RABEP1: variants seen among roughly 807,000 people sequenced by gnomAD.
RABEP1 encodes the protein rabaptin, RAB GTPase binding effector protein 1.
In RABEP1, 51 loss-of-function variants were observed where a neutral mutation model predicts 123.4. The ratio of observed to expected loss-of-function variants is 0.41; its 90% CI spans 0.33 to 0.52. RABEP1 has a LOEUF of 0.52. Ranked by LOEUF, RABEP1 falls within the 20% of genes least tolerant of loss-of-function variation. The pLI, the probability that RABEP1 is intolerant of heterozygous loss-of-function variation, is 0.16. For missense variants in RABEP1, 888 were observed against 996.3 expected (o/e 0.89, Z 1.46); for synonymous variants, 347 against 355.2 (o/e 0.98, Z 0.26).
intron 1 of RABEP1, among the ~76,000 whole-genome samples, chr17:5,308,431 G>A (rs537479661): frequency 2.6e-5 from 4 of 152,154 alleles, no homozygotes; most frequent in South Asian, 2.1e-4. Flanking sequence ...TCTCCATGTC[G>A]GCCAGGCTGG....
rs148090602 is a variant in RABEP1, at chr17:5,296,018, T to G, written c.35-12676T>G. On this transcript the variant is annotated intron_variant, in intron 1 of 17. Coordinates refer to ENST00000537505, the MANE Select transcript of RABEP1 (RefSeq NM_004703.6). ...GCTGTTTCCTCTCTAATTCCTTTAC[T>G]TTTCTTTAAAATTCACTGAGATTAT... Among the ~76,000 whole-genome samples the G allele has an allele frequency of 9.6e-4, 147 of 152,340 alleles. 1 individual carries two copies. The highest frequency in any genetic ancestry group is 3.4e-3 in the African/African-American group (142 of 41,582).
At chr17:5,287,200 C>G (rs1457639069) in intron 1 of RABEP1, among the ~76,000 whole-genome samples, 1 of 152,078 alleles carries the variant, frequency 6.6e-6, no homozygotes, top group East Asian at 1.9e-4. Flanking sequence ...TATGGGGAAC[C>G]ATTGAAAAGC....
At chr17:5,323,062 GA>G (rs2144571366) in intron 2 of RABEP1, among the ~76,000 whole-genome samples, 1 of 152,118 alleles carries the variant, frequency 6.6e-6, no homozygotes, top group South Asian at 2.1e-4. Context: ...GTGATGGAGT[GA>G]GAGACTGTCT....
At chr17:5,297,053 A>G (rs562825349) in intron 1 of RABEP1, among the ~76,000 whole-genome samples, 2 of 152,106 alleles carry the variant, frequency 1.3e-5, no homozygotes, top group African/African-American at 4.8e-5. Context: ...TTAGTTTTCT[A>G]TTGTTAGATA....
chr17:5,319,339 A>AC (rs1250304389), intron 2 of RABEP1, among the ~76,000 whole-genome samples: 1 of 120,972 alleles, frequency 8.3e-6, no homozygotes, highest in Non-Finnish European at 1.7e-5. Context: ...AAAAAAAAAA[A>AC]AACAAAAAAA....
chr17:5,298,102 G>A (rs528844232), intron 1 of RABEP1, among the ~76,000 whole-genome samples: 21 of 152,074 alleles, frequency 1.4e-4, no homozygotes, highest in African/African-American at 4.1e-4. Flanking sequence ...TTGCTATTTC[G>A]GAAAAGCCCA....
intron 1 of RABEP1, among the ~76,000 whole-genome samples, chr17:5,305,296 A>G (rs1004257998): frequency 4.6e-5 from 7 of 152,164 alleles, no homozygotes; most frequent in Non-Finnish European, 1.0e-4. Context: ...AAATAAGACA[A>G]TTACTCGATA....
chr17:5,347,388 C>T (rs796915633), intron 6 of RABEP1, among the ~76,000 whole-genome samples: 9 of 151,472 alleles, frequency 5.9e-5, no homozygotes, highest in Admixed American at 4.0e-4. Flanking sequence ...CTGTCCTGGG[C>T]GACAGAGCGA....
intron 5 of RABEP1, among the ~76,000 whole-genome samples, chr17:5,345,418 T>A (rs1358724282): frequency 6.6e-6 from 1 of 152,214 alleles, no homozygotes; most frequent in East Asian, 1.9e-4. Context: ...TCAAAGTAAT[T>A]CAAATAGTAT....
chr17:5,350,616 A>G lies in RABEP1; in HGVS notation c.950A>G (p.Lys317Arg). The change falls in exon 7 of 18, where the codon AAG (lysine) becomes AGG (arginine). Residue 317 changes from lysine (K) to arginine (R), a missense_variant. Coordinates refer to ENST00000537505, the MANE Select transcript of RABEP1 (RefSeq NM_004703.6). ...SEQLRQVEEL[K>R]KKDQEDDEQQ... ...CAGCTCCGACAAGTTGAAGAACTGA[A>G]GAAGAAAGATCAGGTGAATAGAAGT... 6.2e-7 allele frequency: 1 copy of G among 1,613,934 alleles called. No individual in the cohort carries two copies.
At chr17:5,377,405 T>C in intron 14 of RABEP1, 100 bp downstream of exon 14, 3 of 904,574 alleles carry the variant, frequency 3.3e-6, no homozygotes, top group Non-Finnish European at 4.6e-6. Context: ...CAGAAAAGCT[T>C]AGGAAAGAAT....
chr17:5,346,747 A>G (rs200557495), intron 5 of RABEP1, 43 bp from the exon 6 acceptor site: 1 of 1,448,532 alleles, frequency 6.9e-7, no homozygotes, highest in African/African-American at 1.4e-5. Flanking sequence ...TAAGATAGAA[A>G]CTGTTGTAAA....
chr17:5,381,772 C>T lies in RABEP1; in HGVS notation c.2487+267C>T, dbSNP rs149795674. ...CCTTAGCATACCATGTAAGACTCTT[C>T]CCAACCAGGCCCACCCCTGTATTTT... is the stretch of plus-strand genomic sequence containing the variant. On this transcript the variant is annotated intron_variant, in intron 17 of 17. Transcript: ENST00000537505. The T allele has an allele frequency of 2.8e-4, 80 of 285,386 alleles. 1 individual carries two copies. In the East Asian group the frequency reaches 5.5e-3, roughly 19 times the overall value. 17.7% of individuals were successfully genotyped at this position (285,386 alleles called of 1,614,324 possible). A position where few individuals can be genotyped will look rare whatever the true frequency, so the allele number is the denominator to read the frequency against.
chr17:5,367,419 C>T (rs78165989), intron 11 of RABEP1, among the ~76,000 whole-genome samples: 8 of 151,662 alleles, frequency 5.3e-5, no homozygotes, highest in South Asian at 2.1e-4. Context: ...CTACAGGCAC[C>T]CGCCACCACG....
chr17:5,346,761 C>G (rs1908098486), intron 5 of RABEP1, 29 bp from the exon 6 acceptor site: 3 of 1,473,984 alleles, frequency 2.0e-6, no homozygotes, highest in Non-Finnish European at 2.7e-6. Context: ...TTGTAAATTT[C>G]AGTTTAATGG....
At chr17:5,290,188 C>T (rs982914641) in intron 1 of RABEP1, among the ~76,000 whole-genome samples, 18 of 152,132 alleles carry the variant, frequency 1.2e-4, no homozygotes, top group African/African-American at 3.4e-4. Flanking sequence ...CCTGGGTTCA[C>T]GCCATTCTCC....
Position 5,384,320 on chromosome 17 carries a change from C to T in RABEP1, c.*1097C>T, listed in dbSNP as rs1028391449. The stretch of plus-strand genomic sequence containing the variant: ...AAGCCTCAGTGAAACAGGTCTTTGC[C>T]ATAACTTTATGAAGTGCTACAGAAA... On this transcript the variant is annotated 3_prime_UTR_variant, in exon 18 of 18. Coordinates refer to ENST00000537505, the MANE Select transcript of RABEP1 (RefSeq NM_004703.6). 10 of 213,556 alleles carry T rather than the reference C, an allele frequency of 4.7e-5. No individual in the cohort carries two copies. The East Asian group carries it at 4.9e-4, about 11-fold the overall frequency. 13.2% of individuals were successfully genotyped at this position (213,556 alleles called of 1,614,324 possible).
intron 9 of RABEP1, 112 bp from the exon 10 acceptor site, chr17:5,362,800 A>G: frequency 4.3e-6 from 3 of 702,308 alleles, no homozygotes; most frequent in South Asian, 1.8e-5. Flanking sequence ...CCCTGAAGAA[A>G]GTGTTTACTG....
intron 1 of RABEP1, among the ~76,000 whole-genome samples, chr17:5,307,380 A>AT (rs1470185477): frequency 6.6e-6 from 1 of 152,144 alleles, no homozygotes; most frequent in South Asian, 2.1e-4. Context: ...TCATTGGTAC[A>AT]TTTTTTCCAG....
Sources: allele counts gnomAD v4.1 joint callset (sites outside exome capture counted in the v4.1 genomes callset), GRCh38; gene constraint gnomAD v4.1.1; transcripts MANE v1.5; gene names NCBI Gene and HGNC (gene_info 2026-07-23, HGNC 2026-07-21).